The following RCAN3 variants were observed in gnomAD, a reference collection of about 807,000 sequenced individuals.
The protein encoded by RCAN3 is regulator of calcineurin 3.
In RCAN3, 19 loss-of-function variants were observed where a neutral mutation model predicts 21.9. The ratio of observed to expected loss-of-function variants is 0.87; its 90% confidence interval spans 0.61 to 1.27. The LOEUF is 1.27. RCAN3 is among the 50% of genes most tolerant of loss of function. RCAN3 has a pLI of 0.00. For missense variants in RCAN3, 240 were observed against 300.1 expected, an observed-to-expected ratio of 0.80 and a Z score of 1.48; for synonymous variants, 114 against 112.3, an observed-to-expected ratio of 1.01 and a Z score of -0.09.
intron 1 of RCAN3, among the ~76,000 whole-genome samples, chr1:24,508,879 C>T (rs1459263204): frequency 1.3e-5 from 2 of 152,108 alleles, no homozygotes; most frequent in African/African-American, 2.4e-5. Flanking sequence ...TACTAATGAT[C>T]GGTTGGTGTG....
intron 4 of RCAN3, among the ~76,000 whole-genome samples, chr1:24,534,797 T>G (rs11801906): frequency 0.08 from 12,143 of 152,234 alleles, 1,120 homozygotes; most frequent in African/African-American, 0.23. Context: ...AGACTCCATC[T>G]CAAATAAATA....
chr1:24,502,733 G>A (rs1038422707), upstream of RCAN3, among the ~76,000 whole-genome samples: 223 of 151,184 alleles, frequency 1.5e-3, 1 homozygote, highest in African/African-American at 5.2e-3. Context: ...CGCGCGGCGA[G>A]ACACCCCCAC....
At chr1:24,510,465 T>TA (rs1395543859) in intron 1 of RCAN3, among the ~76,000 whole-genome samples, 3 of 152,246 alleles carry the variant, frequency 2.0e-5, no homozygotes. Context: ...ACTTCTATGT[T>TA]ATAGAGACAG....
intron 4 of RCAN3, 43 bp from the exon 5 acceptor site, chr1:24,535,049 TG>T (rs748696242): frequency 1.9e-6 from 3 of 1,574,594 alleles, no homozygotes; most frequent in South Asian, 2.4e-5. Flanking sequence ...TTCTTTTTGC[TG>T]GAAGTGATGC....
chr1:24,517,076 A>AT (rs1356958592), intron 2 of RCAN3, among the ~76,000 whole-genome samples: 5 of 126,302 alleles, frequency 4.0e-5, no homozygotes, highest in East Asian at 3.3e-4. Flanking sequence ...AATCTTTTCT[A>AT]TTTTTTTGTT....
chr1:24,528,261 AAAAAAAG>A (rs796208843), intron 2 of RCAN3, among the ~76,000 whole-genome samples: 6,389 of 150,284 alleles, frequency 0.043, 475 homozygotes, highest in African/African-American at 0.15. Flanking sequence ...AAAGAAAAAA[AAAAAAAG>A]AAAAAAAGAA....
At chr1:24,503,631 C>T (rs1203835419) in intron 1 of RCAN3, among the ~76,000 whole-genome samples, 4 of 152,246 alleles carry the variant, frequency 2.6e-5, no homozygotes, top group African/African-American at 7.2e-5. Context: ...CTGTCCGCCG[C>T]CTGGACAGGT....
chr1:24,523,603 T>TACACACACACACACAC (rs71577716), intron 2 of RCAN3, among the ~76,000 whole-genome samples: 4 of 140,760 alleles, frequency 2.8e-5, no homozygotes, highest in African/African-American at 1.1e-4. Flanking sequence ...TTATTTCTAA[T>TACACACACACACACAC]ACACACACAC....
intron 1 of RCAN3, among the ~76,000 whole-genome samples, chr1:24,510,526 T>G (rs1213297583): frequency 6.6e-6 from 1 of 152,256 alleles, no homozygotes; most frequent in East Asian, 1.9e-4. Flanking sequence ...CAGACTTTTC[T>G]TCTTCAGCTT....
In RCAN3 at chr1:24,538,378, A is replaced by C. The variant is rs953086077; in HGVS notation, c.*3101A>C. 2 of 151,850 alleles carry C rather than the reference A, an allele frequency of 1.3e-5. No homozygotes were observed. The highest frequency in any genetic ancestry group is 3.9e-4 in the East Asian group (2 of 5,194). 9.4% of individuals were successfully genotyped at this position (151,850 alleles called of 1,614,324 possible). Reference sequence around the variant, plus strand: ...TAAGTTCAACATAAAGGTTTAAATAAAATATTTTTTATTTTTTATTTTTAT... The same window carrying C: ...TAAGTTCAACATAAAGGTTTAAATACAATATTTTTTATTTTTTATTTTTAT... On this transcript the variant is annotated 3_prime_UTR_variant, in exon 5 of 5. Transcript: ENST00000374395.
intron 3 of RCAN3, 103 bp from the exon 4 acceptor site, chr1:24,532,977 AAAT>A: frequency 1.6e-6 from 1 of 629,402 alleles, no homozygotes; most frequent in Non-Finnish European, 2.3e-6. Context: ...AAAAAAAAAG[AAAT>A]GTTTAATTTT....
rs1243462513 is a variant in RCAN3, at chr1:24,531,272, T to A, written c.250T>A (p.Phe84Ile). ...TGATGACCAGGTTACTTTTCAGCTG[T>A]TTAAAAGCTTTAGAAGAGTCAGAAT... ...IYDDQVTFQL[F>I]KSFRRVRINF... Residue 84 changes from phenylalanine to isoleucine, a missense_variant, in exon 3 of 5, where the codon TTT becomes ATT. By Grantham distance (21) the Phe-to-Ile change is conservative. Transcript: ENST00000374395. 1 of 1,613,358 alleles carries A rather than the reference T, an allele frequency of 6.2e-7. No homozygotes were observed. The highest frequency in any genetic ancestry group is 8.5e-7 in the Non-Finnish European group (1 of 1,179,626).
In RCAN3 at chr1:24,531,349, AAC is replaced by A. The variant is rs1557578583; in HGVS notation, c.329_330del (p.Thr110ArgfsTer60). The A allele has an allele frequency of 6.2e-7, 1 of 1,613,744 alleles. No homozygotes were observed. Among genetic ancestry groups the A allele is most frequent in the Non-Finnish European group, 8.5e-7 (1 of 1,179,822 alleles). Reference sequence around the variant, plus strand: ...CAAGAGCGCGAATAGAACTCCACGAAACAGACTTCAATGGGCAGAAGCTAAAG... The same window carrying A: ...CAAGAGCGCGAATAGAACTCCACGAAAGACTTCAATGGGCAGAAGCTAAAG... The part of the protein sequence containing the change: ...AARARIELHE[T>X]DFNGQKLKLY... On this transcript the variant is annotated frameshift_variant, in exon 3 of 5. Coordinates refer to ENST00000374395, the MANE Select transcript of RCAN3 (RefSeq NM_013441.4). LOFTEE classifies it high-confidence loss of function.
In RCAN3 at chr1:24,523,673, AT is replaced by A. The variant is rs1649018556; in HGVS notation, c.196-7543del. Reference sequence around the variant, plus strand: ...ATTTTTTTTCTTCAGATGGAGTCTCATTCTGTTTCCCAGGCTGGAGTGCAGT... The same window carrying A: ...ATTTTTTTTCTTCAGATGGAGTCTCATCTGTTTCCCAGGCTGGAGTGCAGT... On this transcript the variant is annotated intron_variant, in intron 2 of 4. Coordinates refer to ENST00000374395, the MANE Select transcript of RCAN3 (RefSeq NM_013441.4). 1.3e-5 allele frequency among the ~76,000 whole-genome samples: 2 copies of A among 148,996 alleles called. 1 individual carries two copies. The highest frequency in any genetic ancestry group is 4.2e-4 in the South Asian group (2 of 4,738).
At chr1:24,526,674 A>G (rs1296543544) in intron 2 of RCAN3, among the ~76,000 whole-genome samples, 2 of 152,216 alleles carry the variant, frequency 1.3e-5, no homozygotes, top group African/African-American at 4.8e-5. Context: ...CAAAGTACTA[A>G]TATTTTATAA....
intron 1 of RCAN3, among the ~76,000 whole-genome samples, chr1:24,512,113 G>A (rs1647935492): frequency 6.6e-6 from 1 of 152,236 alleles, no homozygotes; most frequent in Non-Finnish European, 1.5e-5. Context: ...ACTTTGGGAG[G>A]CCGAGGCGGG....
At chr1:24,508,923 G>A (rs902991212) in intron 1 of RCAN3, among the ~76,000 whole-genome samples, 1 of 152,194 alleles carries the variant, frequency 6.6e-6, no homozygotes, top group African/African-American at 2.4e-5. Flanking sequence ...TACTTTAGGA[G>A]GCTGAGGCGA....
At chr1:24,517,084 G>GTTTTTTTTT (rs11372088) in intron 2 of RCAN3, among the ~76,000 whole-genome samples, 2 of 146,860 alleles carry the variant, frequency 1.4e-5, no homozygotes, top group African/African-American at 2.5e-5. Context: ...CTATTTTTTT[G>GTTTTTTTTT]TTTTTTTTTG....
intron 3 of RCAN3, among the ~76,000 whole-genome samples, chr1:24,531,627 T>C (rs1247632860): frequency 6.6e-6 from 1 of 152,186 alleles, no homozygotes; most frequent in African/African-American, 2.4e-5. Context: ...AAGGAGTTGA[T>C]TTTTCTGGCA....
Sources: gnomAD v4.1 joint callset for allele counts (sites outside exome capture counted in the v4.1 genomes callset) on GRCh38, gnomAD v4.1.1 for gene constraint, MANE v1.5 for transcripts, NCBI Gene and HGNC (gene_info 2026-07-23, HGNC 2026-07-21) for gene names.